The following BCO1 variants were observed in gnomAD, a reference collection of about 807,000 sequenced individuals.
The protein encoded by BCO1 is beta,beta-carotene 15,15'-dioxygenase.
A neutral mutation model predicts 56.3 loss-of-function variants in BCO1; 54 were observed. That is an observed-to-expected ratio of 0.96 (90% CI 0.77 to 1.20). The LOEUF is 1.20. Among genes scored for constraint, BCO1 ranks in the 50% most tolerant of loss-of-function variants. The probability of loss-of-function intolerance (pLI) is 0.00; values close to 1 mark genes in which losing one functional copy is unlikely to be tolerated. For missense variants in BCO1, 801 were observed against 690.9 expected, an observed-to-expected ratio of 1.16 and a Z score of -1.79; for synonymous variants, 318 against 266.1, an observed-to-expected ratio of 1.20 and a Z score of -1.90.
intron 7 of BCO1, among the ~76,000 whole-genome samples, chr16:81,272,446 C>G (rs1039597901): frequency 6.6e-6 from 1 of 152,164 alleles, no homozygotes; most frequent in Admixed American, 6.5e-5. Context: ...ATTTATGTAT[C>G]GAAACATCTC....
chr16:81,263,742 A>G (rs1906639244), intron 4 of BCO1: 1 of 152,250 alleles, frequency 6.6e-6, no homozygotes, highest in African/African-American at 2.4e-5. Flanking sequence ...TCCTGGGAAG[A>G]ATCAAGTCAA....
At chr16:81,254,554 C>T (rs952202458) in intron 2 of BCO1, among the ~76,000 whole-genome samples, 9 of 151,770 alleles carry the variant, frequency 5.9e-5, no homozygotes, top group Middle Eastern at 3.4e-3. Flanking sequence ...TGAGCCACCA[C>T]GCCTCCCCTC....
At chr16:81,243,900 G>A (rs59453340) in intron 1 of BCO1, among the ~76,000 whole-genome samples, 70 of 152,358 alleles carry the variant, frequency 4.6e-4, no homozygotes, top group African/African-American at 1.6e-3. Context: ...CAATAAATGG[G>A]GCATTGTCGA....
intron 5 of BCO1, 34 bp from the exon 6 acceptor site, chr16:81,267,874 C>T: frequency 3.8e-6 from 6 of 1,599,662 alleles, no homozygotes; most frequent in South Asian, 1.1e-5. Context: ...CCAGATCCTG[C>T]ACAATTCCTG....
intron 7 of BCO1, among the ~76,000 whole-genome samples, chr16:81,274,104 A>G (rs1907403071): frequency 1.3e-5 from 2 of 152,172 alleles, no homozygotes; most frequent in African/African-American, 2.4e-5. Flanking sequence ...GCACAAAGGT[A>G]GTAAGTCTCA....
At chr16:81,250,475 G>A (rs1321487418) in intron 2 of BCO1, among the ~76,000 whole-genome samples, 16 of 152,146 alleles carry the variant, frequency 1.1e-4, no homozygotes, top group African/African-American at 3.4e-4. Context: ...CCACTCTAGC[G>A]GGTTCAGAAG....
chr16:81,262,010 G>A (rs542266367), intron 3 of BCO1, 126 bp from the exon 4 acceptor site: 14 of 1,173,296 alleles, frequency 1.2e-5, no homozygotes, highest in Admixed American at 1.7e-5. Context: ...CCACAGTGCT[G>A]GGATTACAGG....
intron 2 of BCO1, among the ~76,000 whole-genome samples, chr16:81,258,260 T>C (rs1358856315): frequency 6.6e-6 from 1 of 152,174 alleles, no homozygotes; most frequent in Admixed American, 6.5e-5. Context: ...ACAGCAGCCG[T>C]AGAAAACTAA....
chr16:81,251,602 A>T (rs1454548493), intron 2 of BCO1, among the ~76,000 whole-genome samples: 1 of 151,972 alleles, frequency 6.6e-6, no homozygotes, highest in Non-Finnish European at 1.5e-5. Context: ...TAACAAAGAT[A>T]TGAACAAAAA....
chr16:81,266,625 T>C (rs1200320186), intron 5 of BCO1, among the ~76,000 whole-genome samples: 1 of 152,136 alleles, frequency 6.6e-6, no homozygotes, highest in Non-Finnish European at 1.5e-5. Flanking sequence ...AATCCTAGAA[T>C]GCCATACCTG....
At chr16:81,257,287 C>T (rs9924227) in intron 2 of BCO1, among the ~76,000 whole-genome samples, 21,893 of 151,816 alleles carry the variant, frequency 0.14, 2,378 homozygotes, top group African/African-American at 0.29. Context: ...TTTTTTGAGA[C>T]GGGGTCTCGC....
chr16:81,259,742 G>A lies in BCO1; in HGVS notation c.260G>A (p.Arg87Lys), dbSNP rs199858016. 10 of 1,614,186 alleles carry A rather than the reference G, an allele frequency of 6.2e-6. No homozygotes were observed. Among genetic ancestry groups the A allele is most frequent in the Middle Eastern group, 1.6e-4 (1 of 6,062 alleles). The change falls in exon 3 of 11, where the codon AGG becomes AAG. Residue 87 changes from arginine (R) to lysine (K), a missense_variant. By Grantham distance (26) the Arg-to-Lys change is conservative (BLOSUM62 2). Transcript: ENST00000258168. ...TACAACACCAATATTGAGGCAAACA[G>A]GATTGTGGTGTCTGAGTTTGGAACA... The part of the protein sequence containing the change: ...DTYNTNIEAN[R>K]IVVSEFGTMA...
chr16:81,276,553 A>G (rs1428857846), intron 7 of BCO1, among the ~76,000 whole-genome samples: 2 of 152,230 alleles, frequency 1.3e-5, no homozygotes, highest in Admixed American at 1.3e-4. Flanking sequence ...TGAGGCAGGA[A>G]GGAGCCAAGG....
At chr16:81,283,570 G>C (rs892506843) in intron 8 of BCO1, among the ~76,000 whole-genome samples, 1 of 152,076 alleles carries the variant, frequency 6.6e-6, no homozygotes, top group African/African-American at 2.4e-5. Context: ...TTGAGGTCAA[G>C]GGCAGGCACC....
intron 5 of BCO1, among the ~76,000 whole-genome samples, chr16:81,266,123 C>T (rs1157622901): frequency 6.6e-6 from 1 of 152,192 alleles, no homozygotes; most frequent in Non-Finnish European, 1.5e-5. Flanking sequence ...CATTCCTAGC[C>T]CCTGCAGCCA....
At chr16:81,282,169 A>C (rs1907919953) in intron 8 of BCO1, among the ~76,000 whole-genome samples, 1 of 152,190 alleles carries the variant, frequency 6.6e-6, no homozygotes, top group Admixed American at 6.5e-5. Context: ...ACTTGAGGCC[A>C]GGAGTTTGAG....
At chr16:81,268,517 G>A (rs763009959) in intron 6 of BCO1, among the ~76,000 whole-genome samples, 8 of 152,312 alleles carry the variant, frequency 5.3e-5, no homozygotes, top group South Asian at 4.1e-4. Context: ...AGTGTGTAGC[G>A]TTGGGGCGGT....
chr16:81,270,400 C>G lies in BCO1; in HGVS notation c.1085C>G (p.Pro362Arg). The part of the protein sequence containing the change: ...SVPTLRRFAV[P>R]LHVDKNAEVG... Reference sequence around the variant, plus strand: ...CCCACCCTCAGGAGGTTTGCCGTGCCCCTCCACGTGGACAAGGTAATGGCT... The same window carrying G: ...CCCACCCTCAGGAGGTTTGCCGTGCGCCTCCACGTGGACAAGGTAATGGCT... Residue 362 changes from proline (P) to arginine (R), a missense_variant, in exon 7 of 11, where the codon CCC (proline) becomes CGC (arginine). By Grantham distance (103) the Pro-to-Arg change is moderately radical. Coordinates refer to ENST00000258168, the MANE Select transcript of BCO1 (RefSeq NM_017429.3). The G allele has an allele frequency of 6.2e-7, 1 of 1,614,050 alleles. No homozygotes were observed. Among genetic ancestry groups the G allele is most frequent in the Non-Finnish European group, 8.5e-7 (1 of 1,180,024 alleles).
intron 2 of BCO1, among the ~76,000 whole-genome samples, chr16:81,254,853 G>A (rs2151932593): frequency 6.6e-6 from 1 of 152,280 alleles, no homozygotes; most frequent in South Asian, 2.1e-4. Context: ...CTGAAGTGCA[G>A]TAGTGCGATC....
Sources: allele counts gnomAD v4.1 joint callset (sites outside exome capture counted in the v4.1 genomes callset), GRCh38; gene constraint gnomAD v4.1.1; transcripts MANE v1.5; gene names NCBI Gene and HGNC (gene_info 2026-07-23, HGNC 2026-07-21).